LRMDA: variants seen among roughly 807,000 people sequenced by gnomAD.
LRMDA encodes leucine-rich melanocyte differentiation-associated protein.
A neutral mutation model predicts 29.8 loss-of-function variants in LRMDA; 18 were observed. That is an observed-to-expected ratio of 0.60 (90% CI 0.42 to 0.90). The LOEUF (loss-of-function observed/expected upper bound fraction) is 0.90, where lower values mean the gene tolerates loss of function less well. Among genes scored for constraint, LRMDA ranks in the 40% least tolerant of loss-of-function variants. The pLI is 0.00. For missense variants in LRMDA, 273 were observed against 273.9 expected (o/e 1.00, Z 0.02); for synonymous variants, 125 against 109.4 (o/e 1.14, Z -0.89).
chr10:75,681,047 T>C (rs1403265634), intron 2 of LRMDA, among the ~76,000 whole-genome samples: 1 of 152,204 alleles, frequency 6.6e-6, no homozygotes, highest in Admixed American at 6.5e-5. Context: ...AGATTTATCA[T>C]AGGCGGTGCT....
At chr10:75,660,850 T>C (rs1425293549) in intron 2 of LRMDA, among the ~76,000 whole-genome samples, 4 of 152,110 alleles carry the variant, frequency 2.6e-5, no homozygotes, top group Non-Finnish European at 4.4e-5. Context: ...GCTTGCATCT[T>C]GTTTACTGCC....
intron 2 of LRMDA, among the ~76,000 whole-genome samples, chr10:75,573,704 A>T (rs1015189587): frequency 2.0e-5 from 3 of 152,192 alleles, no homozygotes; most frequent in African/African-American, 7.2e-5. Flanking sequence ...TTTCAGATTT[A>T]AAAAATAACA....
chr10:76,531,292 A>G (rs1252709047), intron 6 of LRMDA, among the ~76,000 whole-genome samples: 3 of 152,086 alleles, frequency 2.0e-5, no homozygotes, highest in African/African-American at 4.8e-5. Context: ...GGTACAAGAG[A>G]CTCGGAAATT....
At chr10:76,289,889 AT>A (rs1057010697) in intron 5 of LRMDA, among the ~76,000 whole-genome samples, 3 of 152,176 alleles carry the variant, frequency 2.0e-5, no homozygotes, top group African/African-American at 7.2e-5. Context: ...AAGAACCACG[AT>A]CATCTAGAGG....
chr10:76,036,074 G>A lies in LRMDA; in HGVS notation c.198G>A (p.Gly66=). The A allele has an allele frequency of 1.9e-6, 3 of 1,614,046 alleles. No individual in the cohort carries two copies. Among genetic ancestry groups the A allele is most frequent in the Non-Finnish European group, 2.5e-6 (3 of 1,180,028 alleles). ...EELILDNNQL[G]DDLVLPGLPR... Reference sequence around the variant, plus strand: ...TCATCTTGGACAACAATCAGCTGGGGGACGACCTTGTGTTGCCAGGGTTAC... The same window carrying A: ...TCATCTTGGACAACAATCAGCTGGGAGACGACCTTGTGTTGCCAGGGTTAC... Residue 66 remains glycine (G), a synonymous_variant, in exon 3 of 7, where the codon GGG becomes GGA. Coordinates refer to ENST00000611255, the MANE Select transcript of LRMDA (RefSeq NM_001305581.2).
At chr10:76,429,520 C>A (rs548522128) in intron 6 of LRMDA, among the ~76,000 whole-genome samples, 1 of 151,952 alleles carries the variant, frequency 6.6e-6, no homozygotes, top group Admixed American at 6.6e-5. Flanking sequence ...GTCAGGGAGG[C>A]GCGTACAAGC....
chr10:76,509,415 G>A (rs1007070033), intron 6 of LRMDA, among the ~76,000 whole-genome samples: 3 of 152,140 alleles, frequency 2.0e-5, no homozygotes, highest in African/African-American at 7.2e-5. Flanking sequence ...AAAACACCTT[G>A]CAACTTAAGT....
chr10:76,287,860 T>C (rs1412381761), intron 5 of LRMDA, among the ~76,000 whole-genome samples: 2 of 152,196 alleles, frequency 1.3e-5, no homozygotes, highest in Non-Finnish European at 2.9e-5. Context: ...TCCATTTGAA[T>C]ATCTTTGTTG....
chr10:76,261,546 A>C (rs1589399387), intron 5 of LRMDA, among the ~76,000 whole-genome samples: 1 of 152,240 alleles, frequency 6.6e-6, no homozygotes, highest in East Asian at 1.9e-4. Flanking sequence ...GGGCATGCAA[A>C]AATAAGAGCC....
intron 5 of LRMDA, among the ~76,000 whole-genome samples, chr10:76,184,033 ATTT>A (rs35911382): frequency 7.5e-6 from 1 of 134,002 alleles, no homozygotes; most frequent in Non-Finnish European, 1.6e-5. Context: ...TACTTTATTT[ATTT>A]TTTTTTTTTT....
chr10:76,478,166 A>G lies in LRMDA; in HGVS notation c.602-79043A>G, dbSNP rs548984774. On this transcript the variant is annotated intron_variant, in intron 6 of 6. Coordinates refer to ENST00000611255, the MANE Select transcript of LRMDA (RefSeq NM_001305581.2). ...CAATCTACTCATCTGACAAAGGGCT[A>G]ATATCCAGAATCTACAATGAACTCC... Among the ~76,000 whole-genome samples the G allele has an allele frequency of 1.2e-3, 185 of 152,310 alleles. 1 individual carries two copies. Among genetic ancestry groups the G allele is most frequent in the African/African-American group, 4.3e-3 (177 of 41,570 alleles).
chr10:76,434,432 C>T (rs1456308407), intron 6 of LRMDA, among the ~76,000 whole-genome samples: 1 of 152,070 alleles, frequency 6.6e-6, no homozygotes, highest in Non-Finnish European at 1.5e-5. Context: ...CTAAAAAATG[C>T]TGAAACATGA....
At chr10:76,215,648 T>C (rs1851715574) in intron 5 of LRMDA, among the ~76,000 whole-genome samples, 1 of 152,220 alleles carries the variant, frequency 6.6e-6, no homozygotes, top group African/African-American at 2.4e-5. Flanking sequence ...GGGGATCATT[T>C]TTCTTCTACA....
At chr10:75,562,160 G>A (rs1351774784) in intron 2 of LRMDA, among the ~76,000 whole-genome samples, 8 of 152,048 alleles carry the variant, frequency 5.3e-5, no homozygotes, top group Non-Finnish European at 1.0e-4. Context: ...TATTGTGTGG[G>A]AGTCTAAGTC....
At chr10:75,720,871 G>A (rs1225073382) in intron 2 of LRMDA, among the ~76,000 whole-genome samples, 9 of 152,110 alleles carry the variant, frequency 5.9e-5, no homozygotes, top group East Asian at 1.9e-4. Context: ...ACGGCTTCTC[G>A]GCTAAACTAA....
chr10:76,431,961 C>T (rs146031655), intron 6 of LRMDA, among the ~76,000 whole-genome samples: 1,896 of 152,278 alleles, frequency 0.012, 30 homozygotes, highest in African/African-American at 0.043. Flanking sequence ...ATTGTGAGGC[C>T]TCCCCAGCCA....
At chr10:76,123,467 C>T (rs904507808) in intron 5 of LRMDA, among the ~76,000 whole-genome samples, 1 of 152,084 alleles carries the variant, frequency 6.6e-6, no homozygotes, top group African/African-American at 2.4e-5. Context: ...TGTGATTGTG[C>T]CACTGCACTC....
At chr10:76,004,448 G>A (rs1322066525) in intron 2 of LRMDA, among the ~76,000 whole-genome samples, 2 of 152,202 alleles carry the variant, frequency 1.3e-5, no homozygotes, top group Non-Finnish European at 2.9e-5. Context: ...ACATGACATA[G>A]AGATTGACGC....
intron 5 of LRMDA, among the ~76,000 whole-genome samples, chr10:76,139,532 TGTC>T (rs1468685940): frequency 6.6e-6 from 1 of 152,200 alleles, no homozygotes; most frequent in Non-Finnish European, 1.5e-5. Context: ...GATAGAAACT[TGTC>T]AATCATTTCC....
Sources: allele counts gnomAD v4.1 joint callset (sites outside exome capture counted in the v4.1 genomes callset), GRCh38; gene constraint gnomAD v4.1.1; transcripts MANE v1.5; gene names NCBI Gene and HGNC (gene_info 2026-07-23, HGNC 2026-07-21).